The following CHML variants were observed in gnomAD, a reference collection of about 807,000 sequenced individuals.
The protein encoded by CHML is rab proteins geranylgeranyltransferase component A 2.
Under a neutral mutation model 30.4 loss-of-function variants are expected in CHML, and 20 were observed. The ratio of observed to expected loss-of-function variants is 0.66; its 90% CI spans 0.46 to 0.95. CHML has a LOEUF of 0.95. Among genes scored for constraint, CHML ranks in the 40% least tolerant of loss-of-function variants. CHML has a pLI of 0.00. For synonymous variants in CHML, 281 were observed against 275.0 expected, an observed-to-expected ratio of 1.02 and a Z score of -0.22; for missense variants, 795 against 768.5, an observed-to-expected ratio of 1.03 and a Z score of -0.41.
At chr1:241,639,778 G>C (rs1665043456) in intron 1 of CHML, 104 bp downstream of exon 1, 12 of 1,137,264 alleles carry the variant, frequency 1.1e-5, no homozygotes, top group Non-Finnish European at 1.4e-5. Flanking sequence ...GGGCCGAGCG[G>C]GAAGCGGTGC....
At position 241,635,064 on chromosome 1, in the gene CHML, A is replaced by G. The variant is rs544411738; in HGVS notation, c.703T>C (p.Ser235Pro). 6.2e-7 allele frequency: 1 copy of G among 1,613,024 alleles called. No homozygotes were observed. The change falls in exon 2 of 2, where the codon TCA (serine) becomes CCA (proline). Residue 235 changes from serine (S) to proline (P), a missense_variant. Physicochemically the swap from Ser to Pro is moderately conservative, Grantham distance 74. Coordinates refer to ENST00000366553, the MANE Select transcript of CHML (RefSeq NM_001381853.1). ...AATCCTTGAGAATACAGCAGTTTTGACACCAAATCAATATTAAACCTCCTG... is the reference window on the plus strand; with the variant it reads ...AATCCTTGAGAATACAGCAGTTTTGGCACCAAATCAATATTAAACCTCCTG... ...EGRRFNIDLVSKLLYSQGLLI... is the reference protein window; with the variant it reads ...EGRRFNIDLVPKLLYSQGLLI...
At chr1:241,639,772 C>A in intron 1 of CHML, 110 bp downstream of exon 1, 2 of 1,017,936 alleles carry the variant, frequency 2.0e-6, no homozygotes, top group Non-Finnish European at 2.5e-6. Flanking sequence ...GGCGCGGGGC[C>A]GAGCGGGAAG....
Position 241,635,126 on chromosome 1 carries a change from C to T in CHML, c.641G>A (p.Arg214Lys), listed in dbSNP as rs779689615. The change falls in exon 2 of 2, where the codon AGA becomes AAA. Residue 214 changes from arginine (R) to lysine (K), a missense_variant. Physicochemically the swap from Arg to Lys is conservative, Grantham distance 26 (BLOSUM62 2). Transcript: ENST00000366553. ...TVEDKADEPI[R>K]NRITYSQIVK... ...TATTTGAGAGTAAGTAATCCTATTT[C>T]TAATTGGTTCATCGGCCTTATCTTC... 3 of 1,612,728 alleles carry T rather than the reference C, an allele frequency of 1.9e-6. No homozygotes were observed. The South Asian group carries it at 3.3e-5, about 18-fold the overall frequency.
rs371306621 is a variant in CHML at position 241,635,155 on chromosome 1, T to C, written c.612A>G (p.Thr204=). The C allele has an allele frequency of 1.3e-5, 21 of 1,612,850 alleles. No individual in the cohort carries two copies. The African/African-American group carries it at 2.3e-4, about 17-fold the overall frequency. Residue 204 remains threonine, a synonymous_variant, in exon 2 of 2, where the codon ACA becomes ACG. Coordinates refer to ENST00000366553, the MANE Select transcript of CHML (RefSeq NM_001381853.1). The part of the protein sequence containing the change: ...KDGDKDESKS[T]VEDKADEPIR... ...TTGGTTCATCGGCCTTATCTTCTACTGTAGATTTGCTTTCATCTTTATCTC... is the reference window on the plus strand; with the variant it reads ...TTGGTTCATCGGCCTTATCTTCTACCGTAGATTTGCTTTCATCTTTATCTC...
intron 1 of CHML, among the ~76,000 whole-genome samples, chr1:241,638,114 CTCT>C (rs1664971046): frequency 6.6e-6 from 1 of 152,192 alleles, no homozygotes; most frequent in African/African-American, 2.4e-5. Context: ...GTCTCGGAAT[CTCT>C]TATCTCAGGG....
chr1:241,635,759 TCCG>T lies in CHML; in HGVS notation c.5_7del (p.Ala2del). The T allele has an allele frequency of 8.1e-6, 13 of 1,608,024 alleles. No homozygotes were observed. The highest frequency in any genetic ancestry group is 1.1e-5 in the Non-Finnish European group (13 of 1,176,054). ...CACATCAAACTCTGTGGGAAGATTG[TCCG>T]CCATTTTAGGAAGTAACAGCGTCTG... On this transcript the variant is annotated inframe_deletion, in exon 2 of 2. Coordinates refer to ENST00000366553, the MANE Select transcript of CHML (RefSeq NM_001381853.1).
chr1:241,634,376 G>A lies in CHML; in HGVS notation c.1391C>T (p.Ser464Phe), dbSNP rs1664785138. ...ISRAVLITDQ[S>F]ILKTDLDQQT... is the part of the protein sequence containing the mutation. ...CTGATCTAAATCTGTCTTTAGTATA[G>A]ACTGATCTGTAATGAGTACTGCCCT... Residue 464 changes from serine (S) to phenylalanine (F), a missense_variant, in exon 2 of 2, where the codon TCT becomes TTT. Physicochemically the swap from Ser to Phe is radical, Grantham distance 155. Transcript: ENST00000366553. 1 of 1,613,816 alleles carries A rather than the reference G, an allele frequency of 6.2e-7. No individual in the cohort carries two copies. The highest frequency in any genetic ancestry group is 1.3e-5 in the African/African-American group (1 of 74,908).
chr1:241,640,282 G>T lies in CHML; in HGVS notation c.-708C>A. On this transcript the variant is annotated 5_prime_UTR_variant, in exon 1 of 2. Transcript: ENST00000366553. ...CCCGGCGCCGGCGCGCCTGGCGGGC[G>T]GAGGCGCTCAGCTTGCGGCGGGGCT... The T allele has an allele frequency of 8.6e-7, 1 of 1,164,618 alleles. No homozygotes were observed. Among genetic ancestry groups the T allele is most frequent in the Non-Finnish European group, 1.1e-6 (1 of 947,482 alleles). 72.1% of individuals were successfully genotyped at this position (1,164,618 alleles called of 1,614,324 possible). A position where few individuals can be genotyped will look rare whatever the true frequency, so the allele number is the denominator to read the frequency against.
chr1:241,634,813 C>T lies in CHML; in HGVS notation c.954G>A (p.Arg318=). The T allele has an allele frequency of 1.2e-6, 2 of 1,613,440 alleles. No individual in the cohort carries two copies. Among genetic ancestry groups the T allele is most frequent in the Non-Finnish European group, 8.5e-7 (1 of 1,179,728 alleles). Residue 318 remains arginine (R), a synonymous_variant, in exon 2 of 2, where the codon AGG becomes AGA. Coordinates refer to ENST00000366553, the MANE Select transcript of CHML (RefSeq NM_001381853.1). ...EQHPDEYQAF[R]QCSFSEYLKT... ...TTAAGTATTCTGAAAATGAACACTG[C>T]CTGAAAGCTTGGTATTCATCAGGAT...
At position 241,635,338 on chromosome 1, in the gene CHML, G is replaced by T. The variant is rs745656315; in HGVS notation, c.429C>A (p.Ser143Arg). The T allele has an allele frequency of 6.2e-7, 1 of 1,613,914 alleles. No individual in the cohort carries two copies. Among genetic ancestry groups the T allele is most frequent in the Non-Finnish European group, 8.5e-7 (1 of 1,179,922 alleles). ...EVLDSALPEESQLSYFNSDEM... is the reference protein window; with the variant it reads ...EVLDSALPEERQLSYFNSDEM... ...CGTCGCTATTAAAATACGATAACTG[G>T]CTTTCTTCAGGTAATGCAGAATCCA... Residue 143 changes from serine (S) to arginine (R), a missense_variant, in exon 2 of 2, where the codon AGC becomes AGA. Coordinates refer to ENST00000366553, the MANE Select transcript of CHML (RefSeq NM_001381853.1).
Position 241,635,564 on chromosome 1 carries a change from A to T in CHML, c.203T>A (p.Ile68Asn). 3 of 1,614,010 alleles carry T rather than the reference A, an allele frequency of 1.9e-6. No individual in the cohort carries two copies. The highest frequency in any genetic ancestry group is 2.5e-6 in the Non-Finnish European group (3 of 1,179,926). The change falls in exon 2 of 2, where the codon ATT (isoleucine) becomes AAT (asparagine). Residue 68 changes from isoleucine to asparagine, a missense_variant. Coordinates refer to ENST00000366553, the MANE Select transcript of CHML (RefSeq NM_001381853.1). ...CCATACAACAGTACTTTCTTCCCCA[A>T]TGTCATTGTTTTGCTGATACTCCTT... ...WLKEYQQNND[I>N]GEESTVVWQD... is the part of the protein sequence containing the mutation.
Position 241,630,484 on chromosome 1 carries a change from C to G in CHML, c.*3312G>C, listed in dbSNP as rs1452721581. ...TTTTTAAAAATTGTGTATCCTGCAACTTCTTGAATTAGTCTTTGTTAGTAC... is the reference window on the plus strand; with the variant it reads ...TTTTTAAAAATTGTGTATCCTGCAAGTTCTTGAATTAGTCTTTGTTAGTAC... On this transcript the variant is annotated 3_prime_UTR_variant, in exon 2 of 2. Transcript: ENST00000366553. 1 of 152,016 alleles carries G rather than the reference C, an allele frequency of 6.6e-6. No individual in the cohort carries two copies. The highest frequency in any genetic ancestry group is 1.5e-5 in the Non-Finnish European group (1 of 67,930). 9.4% of individuals were successfully genotyped at this position (152,016 alleles called of 1,614,324 possible).
rs201815370 is a variant in CHML at position 241,635,782 on chromosome 1, C to T, written c.-16G>A. On this transcript the variant is annotated 5_prime_UTR_variant, in exon 2 of 2. Coordinates refer to ENST00000366553, the MANE Select transcript of CHML (RefSeq NM_001381853.1). Reference sequence around the variant, plus strand: ...TGTCCGCCATTTTAGGAAGTAACAGCGTCTGGTGACAACTGCTGATGAAAG... The same window carrying T: ...TGTCCGCCATTTTAGGAAGTAACAGTGTCTGGTGACAACTGCTGATGAAAG... 3.8e-4 allele frequency: 609 copies of T among 1,597,520 alleles called. 1 individual carries two copies. The highest frequency in any genetic ancestry group is 5.0e-4 in the Non-Finnish European group (589 of 1,170,666).
intron 1 of CHML, among the ~76,000 whole-genome samples, chr1:241,638,599 A>T (rs1664992933): frequency 6.6e-6 from 1 of 152,186 alleles, no homozygotes; most frequent in African/African-American, 2.4e-5. Flanking sequence ...GTGTAATCCC[A>T]TAGTCGTCCA....
chr1:241,630,813 A>G lies in CHML; in HGVS notation c.*2983T>C, dbSNP rs1411550860. 6.6e-6 allele frequency: 1 copy of G among 152,030 alleles called. No homozygotes were observed. Among genetic ancestry groups the G allele is most frequent in the African/African-American group, 2.4e-5 (1 of 41,434 alleles). 9.4% of individuals were successfully genotyped at this position (152,030 alleles called of 1,614,324 possible). On this transcript the variant is annotated 3_prime_UTR_variant, in exon 2 of 2. Transcript: ENST00000366553. ...GATGAATTTTTGAAAAGTTATCTGT[A>G]ATTAATACTTTGGATTTTACTATTT...
Position 241,633,489 on chromosome 1 carries a change from C to T in CHML, c.*307G>A, listed in dbSNP as rs940026706. 10 of 274,496 alleles carry T rather than the reference C, an allele frequency of 3.6e-5. No individual in the cohort carries two copies. Among genetic ancestry groups the T allele is most frequent in the South Asian group, 5.7e-5 (1 of 17,666 alleles). The allele number at this position is 274,496 out of a possible 1,614,324, so 17.0% of individuals were successfully genotyped here. ...CTGAAGATCATTAGCAAATACATTA[C>T]CTTTAAGCTGAGTTGCTAATATGGA... On this transcript the variant is annotated 3_prime_UTR_variant, in exon 2 of 2. Transcript: ENST00000366553.
At chr1:241,638,092 C>T (rs1664969332) in intron 1 of CHML, among the ~76,000 whole-genome samples, 1 of 152,154 alleles carries the variant, frequency 6.6e-6, no homozygotes, top group African/African-American at 2.4e-5. Context: ...TAACTTGCCC[C>T]CCAGGGCTTA....
chr1:241,634,598 C>T lies in CHML; in HGVS notation c.1169G>A (p.Cys390Tyr). The change falls in exon 2 of 2, where the codon TGT becomes TAT. Residue 390 changes from cysteine to tyrosine, a missense_variant. Coordinates refer to ENST00000366553, the MANE Select transcript of CHML (RefSeq NM_001381853.1). ...TCCACCAAAAACTGCACACATCCTA[C>T]AGAAACCCTGGGGAATTTCTCCTTG... ...YGQGEIPQGF[C>Y]RMCAVFGGIY... is the part of the protein sequence containing the mutation. 6.2e-7 allele frequency: 1 copy of T among 1,613,822 alleles called. No homozygotes were observed. The highest frequency in any genetic ancestry group is 8.5e-7 in the Non-Finnish European group (1 of 1,179,858).
Position 241,633,697 on chromosome 1 carries a change from T to C in CHML, c.*99A>G. ...ACATCTGCATAGCATTCATCATATA[T>C]AACCACTTCTAATTACTCATATGGG... is the stretch of plus-strand genomic sequence containing the variant. On this transcript the variant is annotated 3_prime_UTR_variant, in exon 2 of 2. Coordinates refer to ENST00000366553, the MANE Select transcript of CHML (RefSeq NM_001381853.1). 4 of 1,250,874 alleles carry C rather than the reference T, an allele frequency of 3.2e-6. No individual in the cohort carries two copies. Among genetic ancestry groups the C allele is most frequent in the Non-Finnish European group, 4.5e-6 (4 of 885,596 alleles). The allele number at this position is 1,250,874 out of a possible 1,614,324, so 77.5% of individuals were successfully genotyped here.
Sources: gnomAD v4.1 joint callset for allele counts (sites outside exome capture counted in the v4.1 genomes callset) on GRCh38, gnomAD v4.1.1 for gene constraint, MANE v1.5 for transcripts, NCBI Gene and HGNC (gene_info 2026-07-23, HGNC 2026-07-21) for gene names.